Variants in CCNC observed in about 807,000 individuals in gnomAD.
CCNC encodes cyclin C, also known as cyclin-C.
In CCNC, 19 loss-of-function variants were observed where a neutral mutation model predicts 50.0. The ratio of observed to expected loss-of-function variants is 0.38; its 90% confidence interval spans 0.27 to 0.56. CCNC has a LOEUF of 0.56. Ranked by LOEUF, CCNC falls within the 20% of genes least tolerant of loss-of-function variation. The pLI, the probability that CCNC is intolerant of heterozygous loss-of-function variation, is 0.72. For synonymous variants in CCNC, 93 were observed against 103.7 expected (o/e 0.90, Z 0.63); for missense variants, 200 against 327.1 (o/e 0.61, Z 3.00).
chr6:99,558,332 A>T, intron 5 of CCNC, 165 bp downstream of exon 5: 1 of 998,146 alleles, frequency 1.0e-6, no homozygotes, highest in Non-Finnish European at 1.4e-6. Context: ...AAAACCTTTT[A>T]GCTTGATTTT....
At chr6:99,561,827 G>A (rs1802793471) in intron 2 of CCNC, 146 bp from the exon 3 acceptor site, 1 of 535,806 alleles carries the variant, frequency 1.9e-6, no homozygotes, top group Non-Finnish European at 3.4e-6. Context: ...GTGAGTCACA[G>A]TGGTCTAATT....
chr6:99,549,289 A>T (rs2894870), intron 9 of CCNC: 12,378 of 68,342 alleles, frequency 0.18, 79 homozygotes, highest in Middle Eastern at 0.27. Context: ...GAATGGTTTC[A>T]AAAAAAAAAA....
chr6:99,549,425 T>C (rs753674539), intron 9 of CCNC, 83 bp downstream of exon 9: 1 of 897,748 alleles, frequency 1.1e-6, no homozygotes, highest in Non-Finnish European at 1.8e-6. Flanking sequence ...AAACATAAAG[T>C]ACAATAGGGT....
At chr6:99,555,518 G>A (rs639488) in intron 5 of CCNC, among the ~76,000 whole-genome samples, 130,008 of 151,958 alleles carry the variant, frequency 0.86, 56,316 homozygotes, top group East Asian at 0.99. Flanking sequence ...GTTTACTGCA[G>A]CCTTGAACTC....
chr6:99,546,638 C>T (rs1413664003), intron 9 of CCNC, among the ~76,000 whole-genome samples, 164 bp from the exon 10 acceptor site: 2 of 152,210 alleles, frequency 1.3e-5, no homozygotes, highest in Non-Finnish European at 1.5e-5. Context: ...CAATGTAATC[C>T]GAGACAGAAA....
chr6:99,568,418 G>T, intron 1 of CCNC, 78 bp downstream of exon 1: 8 of 1,383,160 alleles, frequency 5.8e-6, no homozygotes, highest in Non-Finnish European at 7.1e-6. Context: ...TGGGATCCAG[G>T]CCCAGGGGAG....
chr6:99,565,273 AC>A (rs901162174), intron 1 of CCNC, among the ~76,000 whole-genome samples: 1 of 152,086 alleles, frequency 6.6e-6, no homozygotes, highest in African/African-American at 2.4e-5. Flanking sequence ...ATGACATCTT[AC>A]CAAGAATTCA....
Position 99,542,878 on chromosome 6 carries a change from G to C in CCNC, c.*677C>G, listed in dbSNP as rs1019353128. 4.6e-5 allele frequency: 7 copies of C among 152,488 alleles called. No individual in the cohort carries two copies. The highest frequency in any genetic ancestry group is 1.7e-4 in the African/African-American group (7 of 41,416). The allele number at this position is 152,488 out of a possible 1,614,324, so 9.4% of individuals were successfully genotyped here. On this transcript the variant is annotated 3_prime_UTR_variant, in exon 12 of 12. Transcript: ENST00000520429. ...AATTAATTATAAATAACTTCATGTA[G>C]TTTGCCCAGCATTTCAAAATGGTTA...
chr6:99,553,464 TTC>T (rs1802386151), intron 5 of CCNC, among the ~76,000 whole-genome samples: 3 of 152,210 alleles, frequency 2.0e-5, no homozygotes, highest in Non-Finnish European at 2.9e-5. Flanking sequence ...CTGCATTTTT[TTC>T]TGTCTTTTAA....
At chr6:99,564,335 G>T (rs1234246865) in intron 1 of CCNC, among the ~76,000 whole-genome samples, 2 of 148,622 alleles carry the variant, frequency 1.3e-5, no homozygotes, top group African/African-American at 5.0e-5. Context: ...GGAGACAGGA[G>T]AACTGCTTGA....
chr6:99,563,912 A>C (rs1027301825), intron 1 of CCNC, among the ~76,000 whole-genome samples: 5 of 151,936 alleles, frequency 3.3e-5, no homozygotes, highest in East Asian at 1.9e-4. Flanking sequence ...ATAAAAAAAA[A>C]CTCTCTTCCT....
At position 99,543,371 on chromosome 6, in the gene CCNC, T is replaced by A; in HGVS notation, c.*184A>T. On this transcript the variant is annotated 3_prime_UTR_variant, in exon 12 of 12. Coordinates refer to ENST00000520429, the MANE Select transcript of CCNC (RefSeq NM_005190.4). ...TTTCCAAACATTTATAATCAAGAGATTTTAATCAATTATGTACTAGAATCA... is the reference window on the plus strand; with the variant it reads ...TTTCCAAACATTTATAATCAAGAGAATTTAATCAATTATGTACTAGAATCA... 1.7e-6 allele frequency: 1 copy of A among 584,492 alleles called. No homozygotes were observed. Among genetic ancestry groups the A allele is most frequent in the Non-Finnish European group, 2.9e-6 (1 of 339,744 alleles). The allele number at this position is 584,492 out of a possible 1,614,324, so 36.2% of individuals were successfully genotyped here. A position where few individuals can be genotyped will look rare whatever the true frequency, so the allele number is the denominator to read the frequency against.
intron 1 of CCNC, 80 bp from the exon 2 acceptor site, chr6:99,563,028 G>T: frequency 1.1e-6 from 1 of 890,980 alleles, no homozygotes; most frequent in Non-Finnish European, 1.8e-6. Flanking sequence ...TTCATATTCT[G>T]AGAAGTACAA....
intron 11 of CCNC, chr6:99,543,985 A>G (rs768727905): frequency 1.0e-4 from 128 of 1,219,492 alleles, no homozygotes; most frequent in Non-Finnish European, 1.3e-4. Context: ...TCCTATTCCT[A>G]CTATTTATGA....
intron 5 of CCNC, among the ~76,000 whole-genome samples, chr6:99,552,591 T>C (rs533028730): frequency 6.6e-6 from 1 of 152,250 alleles, no homozygotes; most frequent in Non-Finnish European, 1.5e-5. Context: ...CTCCTTAAAA[T>C]GGTGTGAGCA....
Position 99,543,486 on chromosome 6 carries a change from G to C in CCNC, c.*69C>G. ...TATTCATTTTCATTTGTGTTCCACT[G>C]AAGACATTACTGAAATCTGTCCAAT... is the stretch of plus-strand genomic sequence containing the variant. On this transcript the variant is annotated 3_prime_UTR_variant, in exon 12 of 12. Coordinates refer to ENST00000520429, the MANE Select transcript of CCNC (RefSeq NM_005190.4). 6.6e-7 allele frequency: 1 copy of C among 1,519,070 alleles called. No homozygotes were observed. Among genetic ancestry groups the C allele is most frequent in the South Asian group, 1.1e-5 (1 of 87,520 alleles). The allele number at this position is 1,519,070 out of a possible 1,614,324, so 94.1% of individuals were successfully genotyped here.
At chr6:99,555,093 T>C (rs1176107513) in intron 5 of CCNC, among the ~76,000 whole-genome samples, 2 of 152,230 alleles carry the variant, frequency 1.3e-5, no homozygotes, top group East Asian at 1.9e-4. Context: ...TATACATGTA[T>C]AGCATTATCA....
At position 99,554,026 on chromosome 6, in the gene CCNC, T is replaced by G. The variant is rs189601255; in HGVS notation, c.347-2131A>C. On this transcript the variant is annotated intron_variant, in intron 5 of 11. Transcript: ENST00000520429. ...GTCTTATCTAGGATACCACATTATATTTATTTGTCATGTTTCCTTAGACTG... is the reference window on the plus strand; with the variant it reads ...GTCTTATCTAGGATACCACATTATAGTTATTTGTCATGTTTCCTTAGACTG... Among the ~76,000 whole-genome samples, 14 of 152,288 alleles carry G rather than the reference T, an allele frequency of 9.2e-5. No individual in the cohort carries two copies. In the East Asian group the frequency reaches 2.7e-3, roughly 29 times the overall value.
chr6:99,567,860 C>T (rs1204754959), intron 1 of CCNC, among the ~76,000 whole-genome samples: 1 of 152,144 alleles, frequency 6.6e-6, no homozygotes, highest in Non-Finnish European at 1.5e-5. Flanking sequence ...AACAGGTAAA[C>T]AAAGTCACTG....
Sources: allele counts gnomAD v4.1 joint callset (sites outside exome capture counted in the v4.1 genomes callset), GRCh38; gene constraint gnomAD v4.1.1; transcripts MANE v1.5; gene names NCBI Gene and HGNC (gene_info 2026-07-23, HGNC 2026-07-21).